The following RHOH variants were observed in gnomAD, a reference collection of about 807,000 sequenced individuals.
RHOH encodes rho-related GTP-binding protein RhoH.
In RHOH, 6 loss-of-function variants were observed where a neutral mutation model predicts 13.8. The ratio of observed to expected loss-of-function variants is 0.44; its 90% confidence interval spans 0.24 to 0.86. The LOEUF (loss-of-function observed/expected upper bound fraction) is 0.86. Ranked by LOEUF, RHOH falls within the 40% of genes least tolerant of loss-of-function variation. The probability of loss-of-function intolerance (pLI) is 0.24; values close to 1 mark genes in which losing one functional copy is unlikely to be tolerated. For synonymous variants in RHOH, 117 were observed against 103.0 expected (o/e 1.14, Z -0.82); for missense variants, 147 against 244.5 (o/e 0.60, Z 2.66).
chr4:40,222,066 A>T (rs1726651629), intron 1 of RHOH, among the ~76,000 whole-genome samples: 1 of 152,196 alleles, frequency 6.6e-6, no homozygotes, highest in African/African-American at 2.4e-5. Flanking sequence ...CAATTCTATG[A>T]AGGTTGAATG....
intron 1 of RHOH, among the ~76,000 whole-genome samples, chr4:40,236,705 T>C (rs61378181): frequency 0.019 from 2,904 of 151,980 alleles, 89 homozygotes; most frequent in African/African-American, 0.065. Context: ...GGCAAAAGAA[T>C]TGCTTGAACC....
rs375214963 is a variant in RHOH, at chr4:40,243,964, C to T, written c.*2C>T. 3 of 1,604,686 alleles carry T rather than the reference C, an allele frequency of 1.9e-6. No homozygotes were observed. Among genetic ancestry groups the T allele is most frequent in the Middle Eastern group, 1.7e-4 (1 of 6,028 alleles). ...ATCAATGAGTGCAAGATCTTCTAAACCCCAAGAGACTTCACACAACACTTA... is the reference window on the plus strand; with the variant it reads ...ATCAATGAGTGCAAGATCTTCTAAATCCCAAGAGACTTCACACAACACTTA... On this transcript the variant is annotated 3_prime_UTR_variant, in exon 3 of 3. Transcript: ENST00000381799. The surrounding 1 kb of genome is among the most constrained non-coding windows in gnomAD (Gnocchi z 6.2).
chr4:40,219,321 C>T (rs1579282478), intron 1 of RHOH, among the ~76,000 whole-genome samples: 1 of 148,888 alleles, frequency 6.7e-6, no homozygotes. Context: ...CTGAGGCAGG[C>T]GAATCACTTG....
At chr4:40,210,282 A>G (rs924524836) in intron 1 of RHOH, among the ~76,000 whole-genome samples, 1 of 152,260 alleles carries the variant, frequency 6.6e-6, no homozygotes, top group South Asian at 2.1e-4. Context: ...TAAAGCAACC[A>G]GGATTCATTT....
chr4:40,197,724 G>A (rs1723380964), intron 1 of RHOH, among the ~76,000 whole-genome samples: 1 of 152,218 alleles, frequency 6.6e-6, no homozygotes, highest in African/African-American at 2.4e-5. Flanking sequence ...AAATGATGTA[G>A]ATTTCAATCT....
intron 1 of RHOH, among the ~76,000 whole-genome samples, chr4:40,223,718 A>G (rs1473246172): frequency 1.3e-5 from 2 of 151,234 alleles, no homozygotes; most frequent in Non-Finnish European, 2.9e-5. Context: ...ATATTTTTAA[A>G]TTAAGCCATG....
At chr4:40,235,568 CA>C (rs1455982398) in intron 1 of RHOH, among the ~76,000 whole-genome samples, 1 of 47,266 alleles carries the variant, frequency 2.1e-5, no homozygotes, top group Non-Finnish European at 4.1e-5. Context: ...CCAGCCTGGG[CA>C]AAAAGAGCGA....
intron 1 of RHOH, among the ~76,000 whole-genome samples, chr4:40,208,718 C>T (rs73146082): frequency 0.011 from 1,694 of 152,144 alleles, 29 homozygotes; most frequent in African/African-American, 0.038. Flanking sequence ...AAGACAACAA[C>T]GCAAGGTGTT....
rs3071888 is a variant in RHOH at position 40,231,318 on chromosome 4, A to ATTT, written c.-330-11378_-330-11376dup. Among the ~76,000 whole-genome samples the ATTT allele has an allele frequency of 9.1e-3, 1,166 of 127,660 alleles. 33 individuals carry two copies. The highest frequency in any genetic ancestry group is 0.032 in the African/African-American group (1,088 of 33,602). 83.7% of individuals were successfully genotyped at this position (127,660 alleles called of 152,430 possible). On this transcript the variant is annotated intron_variant, in intron 1 of 2. Transcript: ENST00000381799. ...TGCAAGACCCACCTATTCTTAGGTG[A>ATTT]TTTTTTTTTTTTTTTTTTTTGCTAT...
intron 1 of RHOH, among the ~76,000 whole-genome samples, chr4:40,217,116 T>C (rs1469383357): frequency 6.6e-6 from 1 of 152,204 alleles, no homozygotes; most frequent in East Asian, 1.9e-4. Flanking sequence ...TGAGGACTTC[T>C]AGAATGAGTG....
At chr4:40,196,000 A>G (rs1723093937), upstream of RHOH, among the ~76,000 whole-genome samples, 2 of 152,164 alleles carry the variant, frequency 1.3e-5, no homozygotes, top group African/African-American at 4.8e-5. Context: ...TTCCCACCTC[A>G]GGGCCTTTGC....
At chr4:40,191,186 C>T (rs1234484641), upstream of RHOH, 2 of 152,208 alleles carry the variant, frequency 1.3e-5, no homozygotes, top group Non-Finnish European at 2.9e-5. Flanking sequence ...ACTGCTCTTA[C>T]TAACACTACA....
chr4:40,246,339 G>A lies in RHOH; in HGVS notation c.*2377G>A, dbSNP rs1729764766. On this transcript the variant is annotated 3_prime_UTR_variant, in exon 3 of 3. Transcript: ENST00000381799. ...ATACATGATCCTAAGTGAAGGAAGA[G>A]GAGGTGGTTCCACGGTGGCAGCAGA... 1 of 152,540 alleles carries A rather than the reference G, an allele frequency of 6.6e-6. No individual in the cohort carries two copies. Among genetic ancestry groups the A allele is most frequent in the African/African-American group, 2.4e-5 (1 of 41,452 alleles). 9.4% of individuals were successfully genotyped at this position (152,540 alleles called of 1,614,324 possible).
At chr4:40,213,505 A>C (rs896692856) in intron 1 of RHOH, among the ~76,000 whole-genome samples, 30 of 152,108 alleles carry the variant, frequency 2.0e-4, no homozygotes, top group African/African-American at 7.2e-4. Flanking sequence ...AGATTTCTTC[A>C]TACAAAACAA....
At chr4:40,222,364 A>T (rs1726689070) in intron 1 of RHOH, among the ~76,000 whole-genome samples, 1 of 152,250 alleles carries the variant, frequency 6.6e-6, no homozygotes, top group East Asian at 1.9e-4. Context: ...AGCTTCAAAG[A>T]ACAGGCTGAC....
intron 1 of RHOH, among the ~76,000 whole-genome samples, chr4:40,230,594 A>G (rs1173653903): frequency 2.0e-5 from 3 of 151,588 alleles, no homozygotes; most frequent in African/African-American, 7.3e-5. Context: ...CTCTACTAAA[A>G]GTGATCCACC....
At chr4:40,242,664 A>T (rs780295489) in intron 1 of RHOH, 50 bp from the exon 2 acceptor site, 2 of 152,232 alleles carry the variant, frequency 1.3e-5, no homozygotes, top group Non-Finnish European at 2.9e-5. Flanking sequence ...CAATAAACAA[A>T]AAGAAATGCA....
chr4:40,233,236 T>C (rs1169613210), intron 1 of RHOH, among the ~76,000 whole-genome samples: 1 of 152,190 alleles, frequency 6.6e-6, no homozygotes, highest in African/African-American at 2.4e-5. Flanking sequence ...TTAATTTTTA[T>C]TATTAAAAAT....
intron 1 of RHOH, among the ~76,000 whole-genome samples, chr4:40,220,854 A>G (rs115213101): frequency 1.4e-4 from 22 of 152,334 alleles, no homozygotes; most frequent in Non-Finnish European, 2.4e-4. Flanking sequence ...TGGTAGTTTC[A>G]GGGTCATTAT....
Sources: allele counts gnomAD v4.1 joint callset (sites outside exome capture counted in the v4.1 genomes callset), GRCh38; gene constraint gnomAD v4.1.1; non-coding constraint Gnocchi (gnomAD v3.1); transcripts MANE v1.5; gene names NCBI Gene and HGNC (gene_info 2026-07-23, HGNC 2026-07-21).